ZNF423: variants seen among roughly 807,000 people sequenced by gnomAD.
The protein encoded by ZNF423 is zinc finger protein 423.
ZNF423 carries 12 observed loss-of-function variants against 95.8 expected under a neutral mutation model. The observed-to-expected ratio is 0.13, with a 90% CI of 0.08 to 0.20. ZNF423 has a LOEUF of 0.20. Among genes scored for constraint, ZNF423 ranks in the 10% least tolerant of loss-of-function variants. ZNF423 has a pLI of 1.00. For synonymous variants in ZNF423, 749 were observed against 711.9 expected (o/e 1.05, Z -0.83); for missense variants, 1,316 against 1,737.1 (o/e 0.76, Z 4.31).
At chr16:49,808,132 G>C (rs1180230398) in intron 1 of ZNF423, among the ~76,000 whole-genome samples, 1 of 151,812 alleles carries the variant, frequency 6.6e-6, no homozygotes, top group Non-Finnish European at 1.5e-5. Flanking sequence ...CTGCATCATA[G>C]CTAAGTGCAG....
chr16:49,599,126 A>G (rs896470056), intron 5 of ZNF423, among the ~76,000 whole-genome samples: 1 of 152,202 alleles, frequency 6.6e-6, no homozygotes, highest in Non-Finnish European at 1.5e-5. Flanking sequence ...CATGCACACA[A>G]CATGCTTGTC....
At chr16:49,834,859 G>A (rs2035100238) in intron 1 of ZNF423, among the ~76,000 whole-genome samples, 1 of 152,046 alleles carries the variant, frequency 6.6e-6, no homozygotes, top group African/African-American at 2.4e-5. Context: ...GGGGACTAAA[G>A]TGGGTCAAGG....
At chr16:49,849,101 A>T (rs1415612101) in intron 1 of ZNF423, among the ~76,000 whole-genome samples, 2 of 152,310 alleles carry the variant, frequency 1.3e-5, no homozygotes, top group East Asian at 3.9e-4. Context: ...CGGGAATGCA[A>T]ATCACTCCTG....
chr16:49,582,672 G>C (rs1180268786), intron 5 of ZNF423, among the ~76,000 whole-genome samples: 1 of 152,044 alleles, frequency 6.6e-6, no homozygotes, highest in Non-Finnish European at 1.5e-5. Flanking sequence ...CCAGGCAGTG[G>C]AAACTGAGGG....
intron 5 of ZNF423, among the ~76,000 whole-genome samples, chr16:49,623,299 G>A (rs900741149): frequency 2.0e-5 from 3 of 152,152 alleles, no homozygotes; most frequent in Admixed American, 6.5e-5. Flanking sequence ...TCAGAAGCCC[G>A]GCCCACAGCT....
chr16:49,540,216 A>G (rs1056149963), intron 5 of ZNF423, among the ~76,000 whole-genome samples: 2 of 152,188 alleles, frequency 1.3e-5, no homozygotes, highest in African/African-American at 4.8e-5. Flanking sequence ...CATACTAAGG[A>G]ATTTCCAGTA....
At chr16:49,605,362 TG>T (rs2151836568) in intron 5 of ZNF423, among the ~76,000 whole-genome samples, 1 of 152,366 alleles carries the variant, frequency 6.6e-6, no homozygotes, top group South Asian at 2.1e-4. Flanking sequence ...TCTGGCCAGC[TG>T]TGCAACCTCG....
intron 3 of ZNF423, among the ~76,000 whole-genome samples, chr16:49,666,484 C>T: frequency 6.6e-6 from 1 of 152,220 alleles, no homozygotes; most frequent in East Asian, 1.9e-4. Flanking sequence ...TGAACAGTTA[C>T]ATACATGCAC....
At chr16:49,691,025 C>T (rs1419694587) in intron 3 of ZNF423, among the ~76,000 whole-genome samples, 2 of 152,240 alleles carry the variant, frequency 1.3e-5, no homozygotes, top group African/African-American at 4.8e-5. Flanking sequence ...AGGCATCTGA[C>T]CAGAGACACT....
intron 5 of ZNF423, among the ~76,000 whole-genome samples, chr16:49,574,765 TGGAGCCTG>T (rs1364696370): frequency 6.6e-6 from 1 of 152,272 alleles, no homozygotes; most frequent in East Asian, 1.9e-4. Flanking sequence ...CCCTCTCTCC[TGGAGCCTG>T]GGAGAGCACC....
intron 2 of ZNF423, among the ~76,000 whole-genome samples, chr16:49,748,619 A>T (rs975132337): frequency 6.6e-6 from 1 of 152,226 alleles, no homozygotes; most frequent in Non-Finnish European, 1.5e-5. Context: ...ACACCGGGTG[A>T]CATCACCTGA....
rs767252401 is a variant in ZNF423 at position 49,787,831 on chromosome 16, G to A, written c.100+1656C>T. ...CAGCTGGGAAGGAGGACCTTCTGTA[G>A]ACAACACTGGGCTGAGTGCTTTCCT... is the stretch of plus-strand genomic sequence containing the variant. On this transcript the variant is annotated intron_variant, in intron 2 of 7. Coordinates refer to ENST00000563137, the MANE Select transcript of ZNF423 (RefSeq NM_001379286.1). Among the ~76,000 whole-genome samples, 14 of 152,160 alleles carry A rather than the reference G, an allele frequency of 9.2e-5. 1 individual carries two copies. Among genetic ancestry groups the A allele is most frequent in the Admixed American group, 3.3e-4 (5 of 15,280 alleles).
intron 3 of ZNF423, among the ~76,000 whole-genome samples, chr16:49,672,824 A>G (rs115499747): frequency 0.02 from 3,063 of 152,270 alleles, 83 homozygotes; most frequent in African/African-American, 0.07. Flanking sequence ...TCTCAAAAAA[A>G]TTTAAAAATA....
intron 2 of ZNF423, among the ~76,000 whole-genome samples, chr16:49,770,250 G>T (rs1339003967): frequency 1.3e-5 from 2 of 152,158 alleles, no homozygotes; most frequent in Non-Finnish European, 2.9e-5. Context: ...TGCCAGTGGT[G>T]CAGGCTCATA....
intron 3 of ZNF423, among the ~76,000 whole-genome samples, chr16:49,686,555 T>C (rs960064165): frequency 4.6e-5 from 7 of 152,040 alleles, no homozygotes; most frequent in Admixed American, 4.6e-4. Flanking sequence ...GCAGGTCCCC[T>C]GTCAGTGCCC....
rs557811961 is a variant in ZNF423 at position 49,531,493 on chromosome 16, C to T, written c.3602-5999G>A. 4.6e-5 allele frequency among the ~76,000 whole-genome samples: 7 copies of T among 152,108 alleles called. No homozygotes were observed. In the South Asian group the frequency reaches 8.3e-4, roughly 18 times the overall value. On this transcript the variant is annotated intron_variant, in intron 5 of 7. Transcript: ENST00000563137. ...CATCCCCATAGATAACCACAAATAG[C>T]GCAGAACAGGAGCTAGGAACCTGAG... is the stretch of plus-strand genomic sequence containing the variant.
intron 3 of ZNF423, among the ~76,000 whole-genome samples, chr16:49,658,589 T>C (rs1226408510): frequency 2.6e-5 from 4 of 152,208 alleles, no homozygotes; most frequent in Non-Finnish European, 5.9e-5. Flanking sequence ...GGGCAGGAGA[T>C]GAAAACGACT....
chr16:49,488,588 T>C lies in ZNF423; in HGVS notation c.*2687A>G, dbSNP rs1966877561. On this transcript the variant is annotated 3_prime_UTR_variant, in exon 8 of 8. Transcript: ENST00000563137. ...CCTGCAGGATGCCTGGCACCATCAT[T>C]GATGACCATGCTGCTTACAGGTCTC... The C allele has an allele frequency of 6.6e-6, 1 of 152,168 alleles. No homozygotes were observed. The highest frequency in any genetic ancestry group is 2.1e-4 in the South Asian group (1 of 4,824). The allele number at this position is 152,168 out of a possible 1,614,324, so 9.4% of individuals were successfully genotyped here.
At position 49,705,830 on chromosome 16, in the gene ZNF423, G is replaced by A. The variant is rs186141442; in HGVS notation, c.301+24941C>T. On this transcript the variant is annotated intron_variant, in intron 3 of 7. Coordinates refer to ENST00000563137, the MANE Select transcript of ZNF423 (RefSeq NM_001379286.1). ...CCCAAAGTGCTGGGATTACAGGCAT[G>A]AGCCACTGCGCCCGGCCCCACAGTA... 8.0e-3 allele frequency among the ~76,000 whole-genome samples: 1,224 copies of A among 152,360 alleles called. 9 individuals carry two copies. Among genetic ancestry groups the A allele is most frequent in the Middle Eastern group, 0.02 (6 of 294 alleles).
Sources: allele counts gnomAD v4.1 joint callset (sites outside exome capture counted in the v4.1 genomes callset), GRCh38; gene constraint gnomAD v4.1.1; transcripts MANE v1.5; gene names NCBI Gene and HGNC (gene_info 2026-07-23, HGNC 2026-07-21).